The following DAPK1 variants were observed in gnomAD, a reference collection of about 807,000 sequenced individuals.
DAPK1 encodes the protein death-associated protein kinase 1.
In DAPK1, 56 loss-of-function variants were observed where a neutral mutation model predicts 144.9. The observed-to-expected ratio is 0.39, with a 90% CI of 0.31 to 0.48. The LOEUF (loss-of-function observed/expected upper bound fraction) is 0.48, where lower values mean the gene tolerates loss of function less well. DAPK1 is among the 20% of genes least tolerant of loss of function. The pLI is 0.95. For missense variants in DAPK1, 1,454 were observed against 1,875.4 expected (o/e 0.78, Z 4.15); for synonymous variants, 690 against 749.0 (o/e 0.92, Z 1.29).
intron 2 of DAPK1, 99 bp from the exon 3 acceptor site, chr9:87,604,855 A>G (rs887728139): frequency 9.4e-7 from 1 of 1,058,984 alleles, no homozygotes; most frequent in Admixed American, 2.4e-5. Flanking sequence ...GAACTTTCCT[A>G]TTCACAGTTC....
intron 3 of DAPK1, among the ~76,000 whole-genome samples, chr9:87,635,826 G>A (rs1001415460): frequency 6.6e-6 from 1 of 152,192 alleles, no homozygotes; most frequent in African/African-American, 2.4e-5. Flanking sequence ...GACTTGGACT[G>A]GATGCAGGCA....
rs565527323 is a variant in DAPK1 at position 87,618,732 on chromosome 9, G to A, written c.284+13557G>A. Reference sequence around the variant, plus strand: ...ATCTGTGGAGACACAAAGTAGCTGCGTGGCTGCCGAGGGCAGGTGGGAGTG... The same window carrying A: ...ATCTGTGGAGACACAAAGTAGCTGCATGGCTGCCGAGGGCAGGTGGGAGTG... On this transcript the variant is annotated intron_variant, in intron 3 of 25. Transcript: ENST00000408954. Among the ~76,000 whole-genome samples the A allele has an allele frequency of 6.6e-5, 10 of 152,312 alleles. No homozygotes were observed. In the South Asian group the frequency reaches 8.3e-4, roughly 13 times the overall value.
At chr9:87,646,213 C>T (rs1252629441) in intron 12 of DAPK1, among the ~76,000 whole-genome samples, 199 bp downstream of exon 12, 2 of 152,174 alleles carry the variant, frequency 1.3e-5, no homozygotes, top group Admixed American at 1.3e-4. Context: ...CCTTCATTCA[C>T]GTATTGTATC....
chr9:87,597,894 C>G (rs531527670), intron 2 of DAPK1, among the ~76,000 whole-genome samples: 1 of 152,324 alleles, frequency 6.6e-6, no homozygotes, highest in East Asian at 1.9e-4. Flanking sequence ...GACTCACGCT[C>G]AGCCTTCAGG....
At position 87,580,422 on chromosome 9, in the gene DAPK1, G is replaced by A. The variant is rs188872810; in HGVS notation, c.63-24532G>A. On this transcript the variant is annotated intron_variant, in intron 2 of 25. Coordinates refer to ENST00000408954, the MANE Select transcript of DAPK1 (RefSeq NM_004938.4). ...AGATGGCAACTGGAAACCTACATGC[G>A]GGTGGTTCCCAGTGCAAAGCAATCT... 6.9e-4 allele frequency among the ~76,000 whole-genome samples: 105 copies of A among 152,106 alleles called. 1 individual carries two copies. Among genetic ancestry groups the A allele is most frequent in the Non-Finnish European group, 1.0e-3 (69 of 68,002 alleles).
At chr9:87,668,437 G>T (rs1054334301) in intron 18 of DAPK1, 160 bp from the exon 19 acceptor site, 7 of 653,266 alleles carry the variant, frequency 1.1e-5, no homozygotes, top group Admixed American at 2.4e-5. Context: ...AATAAGGATT[G>T]CACAGCCAGA....
chr9:87,633,052 A>T, intron 3 of DAPK1: 1 of 979,284 alleles, frequency 1.0e-6, no homozygotes, highest in Non-Finnish European at 1.2e-6. Flanking sequence ...GGATGAGTAT[A>T]TATGTAAGAT....
chr9:87,679,295 G>T (rs1824516025), intron 19 of DAPK1, among the ~76,000 whole-genome samples: 1 of 152,090 alleles, frequency 6.6e-6, no homozygotes, highest in South Asian at 2.1e-4. Flanking sequence ...GGAGGAGATG[G>T]CAGGCAAGAC....
At chr9:87,655,736 T>A (rs1830608329) in intron 17 of DAPK1, among the ~76,000 whole-genome samples, 1 of 152,222 alleles carries the variant, frequency 6.6e-6, no homozygotes, top group South Asian at 2.1e-4. Flanking sequence ...CTTGCCGTGT[T>A]AGAAAGCACG....
chr9:87,607,798 G>A (rs1828785428), intron 3 of DAPK1, among the ~76,000 whole-genome samples: 2 of 151,940 alleles, frequency 1.3e-5, no homozygotes, highest in African/African-American at 4.8e-5. Flanking sequence ...CCTAACCCCT[G>A]GCAAGCCCTG....
At chr9:87,561,819 A>G (rs1282762182) in intron 2 of DAPK1, among the ~76,000 whole-genome samples, 3 of 152,170 alleles carry the variant, frequency 2.0e-5, no homozygotes, top group African/African-American at 7.2e-5. Flanking sequence ...CCTCAGTGCC[A>G]TTGGAGACCC....
chr9:87,699,406 G>C (rs909413735), intron 23 of DAPK1, among the ~76,000 whole-genome samples: 1 of 152,172 alleles, frequency 6.6e-6, no homozygotes, highest in African/African-American at 2.4e-5. Context: ...GGAAGTCGTG[G>C]CCAATTCTTT....
At chr9:87,579,911 G>A (rs981093065) in intron 2 of DAPK1, among the ~76,000 whole-genome samples, 4 of 152,076 alleles carry the variant, frequency 2.6e-5, no homozygotes, top group African/African-American at 9.7e-5. Flanking sequence ...ACCACTTGTG[G>A]ATCAAGGTTT....
intron 17 of DAPK1, among the ~76,000 whole-genome samples, chr9:87,655,809 C>T (rs1241421598): frequency 6.6e-6 from 1 of 152,170 alleles, no homozygotes; most frequent in African/African-American, 2.4e-5. Flanking sequence ...CTCTTTAAGT[C>T]GGTGCTTCCC....
intron 18 of DAPK1, among the ~76,000 whole-genome samples, chr9:87,662,947 G>C (rs770668058): frequency 3.3e-5 from 5 of 151,882 alleles, no homozygotes; most frequent in Non-Finnish European, 7.4e-5. Flanking sequence ...GTTTCAAGCT[G>C]AGTCAAGGCC....
chr9:87,548,034 G>T (rs1826324983), intron 2 of DAPK1, among the ~76,000 whole-genome samples: 1 of 152,160 alleles, frequency 6.6e-6, no homozygotes. Flanking sequence ...GCATGTACAG[G>T]GCCGGGCATT....
intron 21 of DAPK1, among the ~76,000 whole-genome samples, chr9:87,694,497 C>T (rs1197107921): frequency 6.6e-6 from 1 of 152,234 alleles, no homozygotes; most frequent in Non-Finnish European, 1.5e-5. Context: ...GCAGTGGCTG[C>T]ACTGTGGCTC....
At chr9:87,611,247 C>G (rs1587767901) in intron 3 of DAPK1, among the ~76,000 whole-genome samples, 1 of 152,296 alleles carries the variant, frequency 6.6e-6, no homozygotes, top group Admixed American at 6.5e-5. Context: ...GCTTGTTTGA[C>G]TATTTGACAG....
chr9:87,516,442 G>A (rs1471686633), intron 2 of DAPK1, among the ~76,000 whole-genome samples: 1 of 151,998 alleles, frequency 6.6e-6, no homozygotes, highest in African/African-American at 2.4e-5. Flanking sequence ...TCATGGCCCC[G>A]CAACTTCCCA....
Sources: gnomAD v4.1 joint callset for allele counts (sites outside exome capture counted in the v4.1 genomes callset) on GRCh38, gnomAD v4.1.1 for gene constraint, MANE v1.5 for transcripts, NCBI Gene and HGNC (gene_info 2026-07-23, HGNC 2026-07-21) for gene names.